Variants in TNFRSF10B observed in about 807,000 individuals in gnomAD.
The protein encoded by TNFRSF10B is tumor necrosis factor receptor superfamily member 10B.
TNFRSF10B carries 35 observed loss-of-function variants against 41.4 expected under a neutral mutation model. That is an observed-to-expected ratio of 0.85 (90% CI 0.65 to 1.12). The LOEUF is 1.12. TNFRSF10B is among the 50% of genes most tolerant of loss of function. The pLI is 0.00. For synonymous variants in TNFRSF10B, 230 were observed against 215.5 expected, an observed-to-expected ratio of 1.07 and a Z score of -0.59; for missense variants, 584 against 552.7, an observed-to-expected ratio of 1.06 and a Z score of -0.57.
rs1563313816 is a variant in TNFRSF10B, at chr8:23,040,265, A to ATATATATATAT, written c.250+2872_250+2873insATATATATATA. 2.0e-4 allele frequency among the ~76,000 whole-genome samples: 24 copies of ATATATATATAT among 121,012 alleles called. 3 individuals are homozygous for ATATATATATAT. The highest frequency in any genetic ancestry group is 4.1e-4 in the African/African-American group (12 of 29,086). The allele number at this position is 121,012 out of a possible 152,430, so 79.4% of individuals were successfully genotyped here. A position where few individuals can be genotyped will look rare whatever the true frequency, so the allele number is the denominator to read the frequency against. ...GTATATATTTAAATATATATTTATTAAATATATATATAATATATATTTATT... is the reference window on the plus strand; with the variant it reads ...GTATATATTTAAATATATATTTATTATATATATATATAATATATATATAATATATATTTATT... On this transcript the variant is annotated intron_variant, in intron 2 of 8. Transcript: ENST00000276431.
At chr8:23,033,979 T>C (rs1412812320) in intron 2 of TNFRSF10B, among the ~76,000 whole-genome samples, 2 of 152,184 alleles carry the variant, frequency 1.3e-5, no homozygotes, top group Admixed American at 1.3e-4. Flanking sequence ...CTTCAACATA[T>C]GATTTTGGGG....
chr8:23,043,128 T>C lies in TNFRSF10B; in HGVS notation c.250+10A>G, dbSNP rs747006396. 1.9e-6 allele frequency: 3 copies of C among 1,613,646 alleles called. No homozygotes were observed. Among genetic ancestry groups the C allele is most frequent in the South Asian group, 2.2e-5 (2 of 91,054 alleles). ...GAGGGGCAAGGATTAGAGACCCATC[T>C]TGAACATACCAGGTGGACACAATCC... On this transcript the variant is annotated intron_variant, in intron 2 of 8. Coordinates refer to ENST00000276431, the MANE Select transcript of TNFRSF10B (RefSeq NM_003842.5).
At chr8:23,050,775 C>T (rs1179323788) in intron 1 of TNFRSF10B, among the ~76,000 whole-genome samples, 1 of 152,112 alleles carries the variant, frequency 6.6e-6, no homozygotes, top group African/African-American at 2.4e-5. Context: ...CCACCCAGAG[C>T]TCAAACATCC....
intron 1 of TNFRSF10B, among the ~76,000 whole-genome samples, chr8:23,060,910 T>C (rs184559228): frequency 2.1e-3 from 313 of 152,300 alleles, no homozygotes; most frequent in African/African-American, 7.4e-3. Context: ...TTTTTCCTAA[T>C]TTCTTTTTTT....
chr8:23,024,748 G>C (rs1585205165), intron 7 of TNFRSF10B, among the ~76,000 whole-genome samples: 1 of 152,108 alleles, frequency 6.6e-6, no homozygotes, highest in Admixed American at 6.5e-5. Flanking sequence ...GGCCAGGCTA[G>C]TCTCAAACTC....
At chr8:23,061,537 T>A (rs1812830040) in intron 1 of TNFRSF10B, among the ~76,000 whole-genome samples, 1 of 152,238 alleles carries the variant, frequency 6.6e-6, no homozygotes, top group Non-Finnish European at 1.5e-5. Flanking sequence ...TTATTTCTTT[T>A]TCTTGCCTGT....
At chr8:23,064,753 T>C (rs1401784653) in intron 1 of TNFRSF10B, among the ~76,000 whole-genome samples, 1 of 152,214 alleles carries the variant, frequency 6.6e-6, no homozygotes, top group Non-Finnish European at 1.5e-5. Flanking sequence ...TTCTTTCCTC[T>C]CTGAGTCACC....
At chr8:23,048,884 G>A (rs1215602305) in intron 1 of TNFRSF10B, among the ~76,000 whole-genome samples, 1 of 152,158 alleles carries the variant, frequency 6.6e-6, no homozygotes, top group Non-Finnish European at 1.5e-5. Context: ...TTACAGGCAT[G>A]AGCCACTGTG....
intron 1 of TNFRSF10B, among the ~76,000 whole-genome samples, chr8:23,055,299 A>G (rs1374437094): frequency 6.6e-6 from 1 of 152,074 alleles, no homozygotes; most frequent in African/African-American, 2.4e-5. Flanking sequence ...CCAGTACTGC[A>G]TTTGGTGCCC....
chr8:23,043,279 T>G (rs1257839604), intron 1 of TNFRSF10B, 36 bp from the exon 2 acceptor site: 1 of 1,562,876 alleles, frequency 6.4e-7, no homozygotes, highest in Non-Finnish European at 8.8e-7. Context: ...ATGAGTGGCT[T>G]CCAGACCTCA....
chr8:23,057,361 A>G (rs1225686590), intron 1 of TNFRSF10B, among the ~76,000 whole-genome samples: 1 of 150,824 alleles, frequency 6.6e-6, no homozygotes, highest in Non-Finnish European at 1.5e-5. Context: ...TGACTTTACT[A>G]ATATTTTTGT....
At position 23,043,118 on chromosome 8, in the gene TNFRSF10B, G is replaced by C. The variant is rs1319401548; in HGVS notation, c.250+20C>G. ...ACAAGGGGAGGAGGGGCAAGGATTA[G>C]AGACCCATCTTGAACATACCAGGTG... On this transcript the variant is annotated intron_variant, in intron 2 of 8. Coordinates refer to ENST00000276431, the MANE Select transcript of TNFRSF10B (RefSeq NM_003842.5). The C allele has an allele frequency of 3.1e-6, 5 of 1,608,304 alleles. No individual in the cohort carries two copies. The highest frequency in any genetic ancestry group is 3.4e-6 in the Non-Finnish European group (4 of 1,174,812).
chr8:23,033,584 TCAAAAAAAAAAAAAAAAAAA>T (rs1168759682), intron 2 of TNFRSF10B, among the ~76,000 whole-genome samples: 1 of 39,516 alleles, frequency 2.5e-5, no homozygotes, highest in African/African-American at 1.6e-4. Flanking sequence ...AGACTCCGTC[TCAAAAAAAAAAAAAAAAAAA>T]AAAAAAAAAA....
At chr8:23,040,217 T>G (rs953206750) in intron 2 of TNFRSF10B, among the ~76,000 whole-genome samples, 9 of 145,998 alleles carry the variant, frequency 6.2e-5, no homozygotes, top group South Asian at 2.1e-4. Context: ...ATTTAAGATA[T>G]GTATCTTTAA....
At chr8:23,059,712 C>T (rs1437663660) in intron 1 of TNFRSF10B, among the ~76,000 whole-genome samples, 1 of 152,068 alleles carries the variant, frequency 6.6e-6, no homozygotes, top group Non-Finnish European at 1.5e-5. Context: ...CGGGGTCTCA[C>T]CATGTTAGCC....
At chr8:23,065,659 G>A (rs920778162) in intron 1 of TNFRSF10B, among the ~76,000 whole-genome samples, 1 of 152,144 alleles carries the variant, frequency 6.6e-6, no homozygotes, top group Non-Finnish European at 1.5e-5. Context: ...TGAACACAAG[G>A]TATATAGTTA....
intron 2 of TNFRSF10B, among the ~76,000 whole-genome samples, chr8:23,042,531 C>T (rs1049953222): frequency 2.0e-5 from 3 of 152,106 alleles, no homozygotes; most frequent in Admixed American, 6.5e-5. Context: ...CCCAGGGGAG[C>T]GCCTCACACT....
At position 23,027,920 on chromosome 8, in the gene TNFRSF10B, G is replaced by A. The variant is rs1023653285; in HGVS notation, c.749-167C>T. ...ACAACTCAGAGACACCCTGAGGAAG[G>A]GGGATGAGAAGGGGAACTAGAGTAA... On this transcript the variant is annotated intron_variant, in intron 5 of 8. Transcript: ENST00000276431. 5.4e-6 allele frequency: 4 copies of A among 745,896 alleles called. 1 individual carries two copies. The Middle Eastern group carries it at 7.8e-4, about 146-fold the overall frequency. 46.2% of individuals were successfully genotyped at this position (745,896 alleles called of 1,614,324 possible).
At position 23,029,710 on chromosome 8, in the gene TNFRSF10B, G is replaced by C. The variant is rs778069442; in HGVS notation, c.376C>G (p.Leu126Val). The change falls in exon 4 of 9, where the codon CTA becomes GTA. Residue 126 changes from leucine to valine, a missense_variant. Transcript: ENST00000276431. ...TTTCTGGTCGTGGTGCAGGGACTTA[G>C]CTCCACTTCACCTGACGACAGAGCA... is the stretch of plus-strand genomic sequence containing the variant. ...CTRCDSGEVELSPCTTTRNTV... is the reference protein window; with the variant it reads ...CTRCDSGEVEVSPCTTTRNTV... 2.5e-6 allele frequency: 4 copies of C among 1,613,578 alleles called. No homozygotes were observed. The East Asian group carries it at 8.9e-5, about 36-fold the overall frequency.
Sources: allele counts gnomAD v4.1 joint callset (sites outside exome capture counted in the v4.1 genomes callset), GRCh38; gene constraint gnomAD v4.1.1; transcripts MANE v1.5; gene names NCBI Gene and HGNC (gene_info 2026-07-23, HGNC 2026-07-21).